DLD: variants seen among roughly 807,000 people sequenced by gnomAD.
DLD encodes dihydrolipoyl dehydrogenase, mitochondrial.
Under a neutral mutation model 62.2 loss-of-function variants are expected in DLD, and 36 were observed. The observed-to-expected ratio is 0.58, with a 90% CI of 0.44 to 0.76. The LOEUF is 0.76. Among genes scored for constraint, DLD ranks in the 30% least tolerant of loss-of-function variants. The probability of loss-of-function intolerance (pLI) is 0.00; values close to 1 mark genes in which losing one functional copy is unlikely to be tolerated. For missense variants in DLD, 541 were observed against 608.6 expected, an observed-to-expected ratio of 0.89 and a Z score of 1.17; for synonymous variants, 204 against 199.6, an observed-to-expected ratio of 1.02 and a Z score of -0.19.
chr7:107,895,501 T>C (rs373244721), intron 2 of DLD, among the ~76,000 whole-genome samples: 3 of 152,208 alleles, frequency 2.0e-5, no homozygotes, highest in East Asian at 3.8e-4. Context: ...ACAGCACTTA[T>C]ATCACTCACA....
chr7:107,901,708 CTATTT>C (rs765702295), intron 2 of DLD, 25 bp from the exon 3 acceptor site: 1 of 1,569,874 alleles, frequency 6.4e-7, no homozygotes, highest in Non-Finnish European at 8.8e-7. Context: ...AAGCAATTTA[CTATTT>C]TATATCAATT....
chr7:107,907,895 C>T (rs566828377), intron 8 of DLD, among the ~76,000 whole-genome samples: 22 of 152,344 alleles, frequency 1.4e-4, no homozygotes, highest in Admixed American at 2.6e-4. Flanking sequence ...AACTTCCACT[C>T]ACTCAGTCTA....
intron 1 of DLD, among the ~76,000 whole-genome samples, chr7:107,892,704 C>T (rs2031617497): frequency 1.3e-5 from 2 of 152,150 alleles, no homozygotes; most frequent in South Asian, 2.1e-4. Flanking sequence ...CACCACTACA[C>T]CCGGCTAATT....
intron 2 of DLD, among the ~76,000 whole-genome samples, chr7:107,894,326 C>T (rs1039360556): frequency 2.6e-5 from 4 of 152,204 alleles, no homozygotes; most frequent in African/African-American, 9.7e-5. Context: ...GACTATCAGT[C>T]TCCCTGCATT....
At chr7:107,911,276 A>G (rs1286274186) in intron 8 of DLD, among the ~76,000 whole-genome samples, 1 of 152,202 alleles carries the variant, frequency 6.6e-6, no homozygotes, top group Non-Finnish European at 1.5e-5. Context: ...TTTACATAGC[A>G]TAATGTTCTT....
chr7:107,894,016 C>T (rs1249952247), intron 2 of DLD, among the ~76,000 whole-genome samples: 1 of 152,154 alleles, frequency 6.6e-6, no homozygotes. Context: ...ATGGGTTTAT[C>T]AAAAGCATGT....
At chr7:107,900,472 G>A (rs1283233803) in intron 2 of DLD, among the ~76,000 whole-genome samples, 1 of 151,766 alleles carries the variant, frequency 6.6e-6, no homozygotes, top group Non-Finnish European at 1.5e-5. Context: ...TTTTTTTGTG[G>A]TCTTTCTTTT....
rs766811609 is a variant in DLD, at chr7:107,905,414, T to A, written c.492T>A (p.Ala164=). Reference sequence around the variant, plus strand: ...TAACTGGCAAAAATCAAGTCACTGCTACGAAAGCTGATGGCGGCACTCAGG... The same window carrying A: ...TAACTGGCAAAAATCAAGTCACTGCAACGAAAGCTGATGGCGGCACTCAGG... The part of the protein sequence containing the change: ...GKITGKNQVT[A]TKADGGTQVI... Residue 164 remains alanine, a synonymous_variant, in exon 7 of 14, where the codon GCT becomes GCA. Transcript: ENST00000205402. The A allele has an allele frequency of 6.2e-7, 1 of 1,613,862 alleles. No individual in the cohort carries two copies. Among genetic ancestry groups the A allele is most frequent in the Non-Finnish European group, 8.5e-7 (1 of 1,179,790 alleles).
At chr7:107,893,087 CTAA>C in intron 1 of DLD, 110 bp from the exon 2 acceptor site, 1 of 704,238 alleles carries the variant, frequency 1.4e-6, no homozygotes, top group South Asian at 1.8e-5. Flanking sequence ...AGAAGATACA[CTAA>C]TAATCCTCGC....
chr7:107,902,585 G>A (rs1015931250), intron 4 of DLD, among the ~76,000 whole-genome samples, 192 bp downstream of exon 4: 1 of 152,180 alleles, frequency 6.6e-6, no homozygotes, highest in African/African-American at 2.4e-5. Context: ...GCTGTCACTA[G>A]TCTGCCACAC....
In DLD at chr7:107,920,219, CTG is replaced by C. The variant is rs2032375807; in HGVS notation, c.*962_*963del. 1.3e-5 allele frequency: 2 copies of C among 152,200 alleles called. No homozygotes were observed. The highest frequency in any genetic ancestry group is 4.1e-4 in the South Asian group (2 of 4,822). 9.4% of individuals were successfully genotyped at this position (152,200 alleles called of 1,614,324 possible). On this transcript the variant is annotated 3_prime_UTR_variant, in exon 14 of 14. Transcript: ENST00000205402. ...GTGTTTTCCTTGGCTGGGTTAATGA[CTG>C]TTTATTTAAAGAGTGTTGTAAAATT...
At position 107,906,361 on chromosome 7, in the gene DLD, T is replaced by C. The variant is rs750449027; in HGVS notation, c.677T>C (p.Val226Ala). The C allele has an allele frequency of 1.7e-5, 28 of 1,604,132 alleles. No homozygotes were observed. The highest frequency in any genetic ancestry group is 3.3e-4 in the Middle Eastern group (2 of 6,040). Reference sequence around the variant, plus strand: ...GTTATTGGTGCAGGAGTAATAGGTGTAGAATTGGTAAGTGTTGTCTTTCTG... The same window carrying C: ...GTTATTGGTGCAGGAGTAATAGGTGCAGAATTGGTAAGTGTTGTCTTTCTG... Reference protein sequence around the residue: ...MVVIGAGVIGVELGSVWQRLG... With the variant: ...MVVIGAGVIGAELGSVWQRLG... The change falls in exon 8 of 14, where the codon GTA becomes GCA. Residue 226 changes from valine (V) to alanine (A), a missense_variant. Val to Ala is a moderately conservative substitution (Grantham distance 64). Coordinates refer to ENST00000205402, the MANE Select transcript of DLD (RefSeq NM_000108.5).
At chr7:107,906,187 T>G (rs1353657937) in intron 7 of DLD, 80 bp from the exon 8 acceptor site, 1 of 845,900 alleles carries the variant, frequency 1.2e-6, no homozygotes, top group African/African-American at 1.7e-5. Flanking sequence ...ATCTGCAAAT[T>G]TGGAACCCAT....
At position 107,919,273 on chromosome 7, in the gene DLD, A is replaced by G. The variant is rs755686158; in HGVS notation, c.*14A>G. Reference sequence around the variant, plus strand: ...ATCAACTTTTGAATTAGAAGATTATATATATTTTTTTCTGAAATTTCCTGG... The same window carrying G: ...ATCAACTTTTGAATTAGAAGATTATGTATATTTTTTTCTGAAATTTCCTGG... On this transcript the variant is annotated 3_prime_UTR_variant, in exon 14 of 14. Transcript: ENST00000205402. 11 of 1,596,628 alleles carry G rather than the reference A, an allele frequency of 6.9e-6. No homozygotes were observed. Among genetic ancestry groups the G allele is most frequent in the South Asian group, 4.5e-5 (4 of 89,516 alleles).
rs1466715137 is a variant in DLD at position 107,920,293 on chromosome 7, AC to A, written c.*1035del. 1 of 152,380 alleles carries A rather than the reference AC, an allele frequency of 6.6e-6. No homozygotes were observed. The highest frequency in any genetic ancestry group is 1.9e-4 in the East Asian group (1 of 5,338). 9.4% of individuals were successfully genotyped at this position (152,380 alleles called of 1,614,324 possible). ...GCCATGTCCTGAGGAAACTTAAGTA[AC>A]AAAGTACTAAATGCTAAGTAGGCTT... On this transcript the variant is annotated 3_prime_UTR_variant, in exon 14 of 14. Coordinates refer to ENST00000205402, the MANE Select transcript of DLD (RefSeq NM_000108.5).
chr7:107,918,890 TGATA>T (rs2032337007), intron 12 of DLD, 116 bp from the exon 13 acceptor site: 1 of 846,992 alleles, frequency 1.2e-6, no homozygotes, highest in African/African-American at 1.7e-5. Context: ...TTTCTTCAAC[TGATA>T]AAGAAACAGA....
At chr7:107,902,476 A>G (rs2031901304) in intron 4 of DLD, 83 bp downstream of exon 4, 5 of 1,170,470 alleles carry the variant, frequency 4.3e-6, no homozygotes, top group Non-Finnish European at 5.1e-6. Context: ...GATTAGACAA[A>G]TACACTTGTT....
chr7:107,919,492 A>G lies in DLD; in HGVS notation c.*233A>G. ...TGTAAGACAAAAAGCTACTTATTGT[A>G]GCATCCTGGAATATCTCCGTCAACT... On this transcript the variant is annotated 3_prime_UTR_variant, in exon 14 of 14. Coordinates refer to ENST00000205402, the MANE Select transcript of DLD (RefSeq NM_000108.5). 2 of 407,292 alleles carry G rather than the reference A, an allele frequency of 4.9e-6. No individual in the cohort carries two copies. Among genetic ancestry groups the G allele is most frequent in the Non-Finnish European group, 8.8e-6 (2 of 228,466 alleles). 25.2% of individuals were successfully genotyped at this position (407,292 alleles called of 1,614,324 possible). A position where few individuals can be genotyped will look rare whatever the true frequency, so the allele number is the denominator to read the frequency against.
At chr7:107,903,932 C>G (rs745660291) in intron 5 of DLD, among the ~76,000 whole-genome samples, 1 of 152,088 alleles carries the variant, frequency 6.6e-6, no homozygotes, top group Non-Finnish European at 1.5e-5. Flanking sequence ...CCCACTTAAG[C>G]TGTTGATAGT....
Sources: gnomAD v4.1 joint callset for allele counts (sites outside exome capture counted in the v4.1 genomes callset) on GRCh38, gnomAD v4.1.1 for gene constraint, MANE v1.5 for transcripts, NCBI Gene and HGNC (gene_info 2026-07-23, HGNC 2026-07-21) for gene names.